LAMC3: variants seen among roughly 807,000 people sequenced by gnomAD.
The protein encoded by LAMC3 is laminin subunit gamma 3.
A neutral mutation model predicts 173.8 loss-of-function variants in LAMC3; 128 were observed. The observed-to-expected ratio is 0.74, with a 90% CI of 0.64 to 0.85. The LOEUF (loss-of-function observed/expected upper bound fraction) is 0.85. LAMC3 is among the 40% of genes least tolerant of loss of function. LAMC3 has a pLI of 0.00. For synonymous variants in LAMC3, 897 were observed against 909.1 expected (o/e 0.99, Z 0.24); for missense variants, 2,022 against 2,156.0 (o/e 0.94, Z 1.23).
chr9:131,078,600 C>CACAGCT (rs2133338484), intron 22 of LAMC3, among the ~76,000 whole-genome samples: 1 of 152,332 alleles, frequency 6.6e-6, no homozygotes, highest in Non-Finnish European at 1.5e-5. Context: ...CCTCCCACTG[C>CACAGCT]GTGCGGAGAG....
chr9:131,087,282 C>A (rs1211663706), intron 25 of LAMC3, among the ~76,000 whole-genome samples, 194 bp from the exon 26 acceptor site: 2 of 152,218 alleles, frequency 1.3e-5, no homozygotes, highest in African/African-American at 2.4e-5. Context: ...CCTCCTGAAA[C>A]GGGTGGTATC....
chr9:131,049,209 G>A, intron 9 of LAMC3, 79 bp downstream of exon 9: 1 of 839,786 alleles, frequency 1.2e-6, no homozygotes, highest in South Asian at 1.4e-5. Flanking sequence ...CATATTAGAG[G>A]CTGAAAACAA....
At position 131,085,683 on chromosome 9, in the gene LAMC3, A is replaced by T; in HGVS notation, c.4190A>T (p.Lys1397Met). Residue 1397 changes from lysine (K) to methionine (M), a missense_variant, in exon 25 of 28, where the codon AAG (lysine) becomes ATG (methionine). Physicochemically the swap from Lys to Met is moderately conservative, Grantham distance 95. Coordinates refer to ENST00000361069, the MANE Select transcript of LAMC3 (RefSeq NM_006059.4). Reference sequence around the variant, plus strand: ...CCTCTTTCCTCCAGTGCCAAGAAGAAGGGCAGAGAAGCAGAGGTGTTGGCC... The same window carrying T: ...CCTCTTTCCTCCAGTGCCAAGAAGATGGGCAGAGAAGCAGAGGTGTTGGCC... ...AAPLSSSAKK[K>M]GREAEVLAKD... is the part of the protein sequence containing the mutation. 6.2e-7 allele frequency: 1 copy of T among 1,614,178 alleles called. No homozygotes were observed. Among genetic ancestry groups the T allele is most frequent in the Non-Finnish European group, 8.5e-7 (1 of 1,180,032 alleles).
Position 131,069,718 on chromosome 9 carries a change from G to A in LAMC3, c.2937G>A (p.Glu979=), listed in dbSNP as rs371111557. Residue 979 remains glutamate, a synonymous_variant, in exon 17 of 28, where the codon GAG becomes GAA. Coordinates refer to ENST00000361069, the MANE Select transcript of LAMC3 (RefSeq NM_006059.4). ...GCGCTGCCTCGGCCCAGTGCCACGA[G>A]AACGGCACATGCGTGTGCAGGCCTG... The part of the protein sequence containing the change: ...PLGAASAQCH[E]NGTCVCRPGF... 464 of 1,604,094 alleles carry A rather than the reference G, an allele frequency of 2.9e-4. No homozygotes were observed. The highest frequency in any genetic ancestry group is 3.9e-4 in the Non-Finnish European group (453 of 1,176,436).
chr9:131,027,683 C>T (rs918945414), intron 2 of LAMC3, among the ~76,000 whole-genome samples: 9 of 152,132 alleles, frequency 5.9e-5, no homozygotes, highest in African/African-American at 2.2e-4. Context: ...CCAGTGGCTG[C>T]CACGTTGGAG....
Position 131,067,190 on chromosome 9 carries a change from G to A in LAMC3, c.2578G>A (p.Ala860Thr), listed in dbSNP as rs369490493. Residue 860 changes from alanine to threonine, a missense_variant, in exon 14 of 28, where the codon GCA (alanine) becomes ACA (threonine). Coordinates refer to ENST00000361069, the MANE Select transcript of LAMC3 (RefSeq NM_006059.4). ...FYGSALAPRP[A>T]DKCMPCSCHP... ...CGGGAGCGCCCTGGCCCCTCGACCC[G>A]CAGACAAATGCATGCGTGAGTACCT... 80 of 1,613,796 alleles carry A rather than the reference G, an allele frequency of 5.0e-5. No homozygotes were observed. Among genetic ancestry groups the A allele is most frequent in the Middle Eastern group, 1.6e-4 (1 of 6,084 alleles).
chr9:131,051,956 G>C (rs1164537905), intron 9 of LAMC3, among the ~76,000 whole-genome samples: 1 of 152,216 alleles, frequency 6.6e-6, no homozygotes, highest in Non-Finnish European at 1.5e-5. Flanking sequence ...TCGTGTCTCA[G>C]AAAACTAGTG....
Position 131,041,622 on chromosome 9 carries a change from C to G in LAMC3, c.1284-15C>G. ...GCTCATTGCACATTTTCCTCTTGTC[C>G]TGTCTCATTGGCAGACCCTGCACTT... On this transcript the variant is annotated splice_polypyrimidine_tract_variant and intron_variant, in intron 6 of 27. Transcript: ENST00000361069. The G allele has an allele frequency of 6.2e-7, 1 of 1,612,270 alleles. No homozygotes were observed. Among genetic ancestry groups the G allele is most frequent in the Non-Finnish European group, 8.5e-7 (1 of 1,178,822 alleles).
intron 21 of LAMC3, 134 bp downstream of exon 21, chr9:131,076,099 T>C (rs1830121557): frequency 2.2e-6 from 2 of 925,754 alleles, no homozygotes; most frequent in African/African-American, 1.7e-5. Context: ...GTCTTGGGTC[T>C]GCATCCTCCT....
intron 15 of LAMC3, 45 bp from the exon 16 acceptor site, chr9:131,068,863 G>A (rs578126626): frequency 6.2e-7 from 1 of 1,610,756 alleles, no homozygotes; most frequent in African/African-American, 1.3e-5. Flanking sequence ...TGGGCCAGGA[G>A]TGGCCCTGAG....
chr9:131,086,901 GA>G (rs1247766991), intron 25 of LAMC3, among the ~76,000 whole-genome samples: 1 of 146,994 alleles, frequency 6.8e-6, no homozygotes, highest in African/African-American at 2.5e-5. Flanking sequence ...AAAAAAAAAA[GA>G]AAAAAAAGAT....
Position 131,056,271 on chromosome 9 carries a change from A to G in LAMC3, c.1940-658A>G, listed in dbSNP as rs147441220. 8.5e-5 allele frequency among the ~76,000 whole-genome samples: 13 copies of G among 152,246 alleles called. No individual in the cohort carries two copies. In the East Asian group the frequency reaches 2.5e-3, roughly 29 times the overall value. On this transcript the variant is annotated intron_variant, in intron 11 of 27. Coordinates refer to ENST00000361069, the MANE Select transcript of LAMC3 (RefSeq NM_006059.4). The stretch of plus-strand genomic sequence containing the variant: ...ACCTTAAACTTTGCCTAAATGTAGC[A>G]TTCAGTTATGAGTAGCCCAGGTGAG...
intron 24 of LAMC3, among the ~76,000 whole-genome samples, chr9:131,084,291 G>A (rs1299475187): frequency 6.6e-6 from 1 of 151,990 alleles, no homozygotes; most frequent in Admixed American, 6.6e-5. Context: ...GCTCACTGTA[G>A]CCTCCAACTC....
In LAMC3 at chr9:131,039,694, C is replaced by T. The variant is rs141596780; in HGVS notation, c.1283+446C>T. On this transcript the variant is annotated intron_variant, in intron 6 of 27. Transcript: ENST00000361069. ...GTGGAGAGGGAGAGCAGGGCAGATT[C>T]CAGAGCCCAGTGCAAGGAGGAGCTA... Among the ~76,000 whole-genome samples, 16 of 151,928 alleles carry T rather than the reference C, an allele frequency of 1.1e-4. No homozygotes were observed. The East Asian group carries it at 3.1e-3, about 30-fold the overall frequency.
At chr9:131,035,969 G>C (rs558004672) in intron 3 of LAMC3, among the ~76,000 whole-genome samples, 197 bp from the exon 4 acceptor site, 2 of 152,282 alleles carry the variant, frequency 1.3e-5, no homozygotes, top group South Asian at 2.1e-4. Flanking sequence ...AGATGGAATG[G>C]GTTTGTTCCA....
At position 131,082,153 on chromosome 9, in the gene LAMC3, A is replaced by G; in HGVS notation, c.4022A>G (p.Asp1341Gly). 1 of 1,611,572 alleles carries G rather than the reference A, an allele frequency of 6.2e-7. No homozygotes were observed. The highest frequency in any genetic ancestry group is 8.5e-7 in the Non-Finnish European group (1 of 1,178,104). ...TVMGARTLLA[D>G]LEGMKLQFPR... ...ATGGGAGCCAGGACTCTGCTGGCTG[A>G]TCTGGAAGGTACGTGAGTCCAGCTG... Residue 1341 changes from aspartate to glycine, a missense_variant, in exon 24 of 28, where the codon GAT (aspartate) becomes GGT (glycine). Coordinates refer to ENST00000361069, the MANE Select transcript of LAMC3 (RefSeq NM_006059.4).
chr9:131,032,637 T>A (rs1467795314), intron 3 of LAMC3, among the ~76,000 whole-genome samples: 1 of 151,066 alleles, frequency 6.6e-6, no homozygotes, highest in African/African-American at 2.4e-5. Flanking sequence ...TCTCTCTTGC[T>A]CTCTCGCTCT....
chr9:131,040,692 C>A (rs753909936), intron 6 of LAMC3, among the ~76,000 whole-genome samples: 1 of 152,152 alleles, frequency 6.6e-6, no homozygotes, highest in African/African-American at 2.4e-5. Context: ...ACCTCCCACC[C>A]CTGCCCCCTC....
At chr9:131,063,528 C>T (rs991566154) in intron 13 of LAMC3, among the ~76,000 whole-genome samples, 3 of 152,346 alleles carry the variant, frequency 2.0e-5, no homozygotes, top group African/African-American at 7.2e-5. Context: ...ACACCAGTGT[C>T]CTCTGGGCCC....
Sources: gnomAD v4.1 joint callset for allele counts (sites outside exome capture counted in the v4.1 genomes callset) on GRCh38, gnomAD v4.1.1 for gene constraint, MANE v1.5 for transcripts, NCBI Gene and HGNC (gene_info 2026-07-23, HGNC 2026-07-21) for gene names.